Variants in ALDOA observed in about 807,000 individuals in gnomAD.
ALDOA encodes aldolase, fructose-bisphosphate A, also known as fructose-bisphosphate aldolase A.
Under a neutral mutation model 43.9 loss-of-function variants are expected in ALDOA, and 26 were observed. That is an observed-to-expected ratio of 0.59 (90% CI 0.43 to 0.82). The LOEUF (loss-of-function observed/expected upper bound fraction) is 0.82. Ranked by LOEUF, ALDOA falls within the 40% of genes least tolerant of loss-of-function variation. The pLI, the probability that ALDOA is intolerant of heterozygous loss-of-function variation, is 0.00. For missense variants in ALDOA, 498 were observed against 549.5 expected (o/e 0.91, Z 0.94); for synonymous variants, 258 against 222.6 (o/e 1.16, Z -1.42).
chr16:30,067,358 A>C lies in ALDOA; in HGVS notation c.266A>C (p.Glu89Ala), dbSNP rs765153063. The C allele has an allele frequency of 3.1e-6, 5 of 1,614,048 alleles. No homozygotes were observed. The highest frequency in any genetic ancestry group is 4.2e-6 in the Non-Finnish European group (5 of 1,180,022). The change falls in exon 3 of 10, where the codon GAG (glutamate) becomes GCG (alanine). Residue 89 changes from glutamate (E) to alanine (A), a missense_variant. By Grantham distance (107) the Glu-to-Ala change is moderately radical. Coordinates refer to ENST00000642816, the MANE Select transcript of ALDOA (RefSeq NM_001243177.4). ...APGKGILAAD[E>A]STGSIAKRLQ... The stretch of plus-strand genomic sequence containing the variant: ...GGCAAGGGCATCCTGGCTGCAGATG[A>C]GTCCACTGGTGCGGGCAGGAGACAG...
Position 30,070,146 on chromosome 16 carries a change from C to T in ALDOA, c.1191C>T (p.Tyr397=). The change falls in exon 10 of 10, where the codon TAC becomes TAT. Residue 397 remains tyrosine, a synonymous_variant. Coordinates refer to ENST00000642816, the MANE Select transcript of ALDOA (RefSeq NM_001243177.4). ...LANSLACQGK[Y]TPSGQAGAAA... ...ACAGCCTTGCCTGTCAAGGAAAGTA[C>T]ACTCCGAGCGGTCAGGCTGGGGCTG... 2 of 1,614,122 alleles carry T rather than the reference C, an allele frequency of 1.2e-6. No homozygotes were observed. The highest frequency in any genetic ancestry group is 1.7e-6 in the Non-Finnish European group (2 of 1,180,042).
Position 30,068,657 on chromosome 16 carries a change from C to T in ALDOA, c.498C>T (p.Gly166=), listed in dbSNP as rs145811469. The T allele has an allele frequency of 6.0e-5, 97 of 1,614,072 alleles. 1 individual carries two copies. Among genetic ancestry groups the T allele is most frequent in the South Asian group, 3.5e-4 (32 of 91,094 alleles). ...GGVVGIKVDK[G]VVPLAGTNGE... is the part of the protein sequence containing the mutation. ...CCTGACCCCAACAGGTAGACAAGGG[C>T]GTGGTCCCCCTGGCAGGGACAAATG... The change falls in exon 5 of 10, where the codon GGC becomes GGT. Residue 166 remains glycine (G), a synonymous_variant. Transcript: ENST00000642816.
chr16:30,065,335 G>A (rs2072060854), upstream of ALDOA, among the ~76,000 whole-genome samples: 1 of 152,248 alleles, frequency 6.6e-6, no homozygotes, highest in African/African-American at 2.4e-5. Context: ...ACGCGCTGCA[G>A]CCGCGAAGAC....
intron 6 of ALDOA, 108 bp from the exon 7 acceptor site, chr16:30,069,198 T>C: frequency 7.1e-7 from 1 of 1,407,804 alleles, no homozygotes; most frequent in Non-Finnish European, 1.0e-6. Context: ...CTTTGAAGCC[T>C]GAGTCCCTGG....
intron 4 of ALDOA, chr16:30,068,126 G>C (rs372598003): frequency 2.4e-5 from 6 of 248,458 alleles, no homozygotes; most frequent in African/African-American, 1.2e-4. Flanking sequence ...GCAGTGGTGC[G>C]ATCTCTTGGC....
At chr16:30,066,160 A>T (rs1415646594) in intron 1 of ALDOA, 2 of 152,196 alleles carry the variant, frequency 1.3e-5, no homozygotes, top group African/African-American at 4.8e-5. Context: ...ATGAAGGACC[A>T]TTCTCCCCCT....
intron 4 of ALDOA, 175 bp from the exon 5 acceptor site, chr16:30,068,471 G>T: frequency 1.4e-6 from 1 of 724,946 alleles, no homozygotes; most frequent in Non-Finnish European, 2.5e-6. Flanking sequence ...TAAAGAAGAG[G>T]AAAGAGGGGC....
At position 30,067,041 on chromosome 16, in the gene ALDOA, A is replaced by T. The variant is rs1269749080; in HGVS notation, c.141+3A>T. 6 of 1,578,206 alleles carry T rather than the reference A, an allele frequency of 3.8e-6. No homozygotes were observed. On this transcript the variant is annotated splice_donor_region_variant and intron_variant, in intron 2 of 9. Coordinates refer to ENST00000642816, the MANE Select transcript of ALDOA (RefSeq NM_001243177.4). ...AGCACCAGACAGAGTTAGGAAAGGT[A>T]CAGGGGCAGGCCTAGCAAAGGGAAG...
chr16:30,065,048 C>G (rs1300021452), upstream of ALDOA, among the ~76,000 whole-genome samples: 2 of 152,240 alleles, frequency 1.3e-5, no homozygotes, highest in African/African-American at 4.8e-5. Flanking sequence ...TTTTCTGTGG[C>G]GCAGAGGACT....
intron 6 of ALDOA, 95 bp from the exon 7 acceptor site, chr16:30,069,208 GCAT>G: frequency 6.9e-7 from 1 of 1,443,768 alleles, no homozygotes; most frequent in Middle Eastern, 1.8e-4. Context: ...TGAGTCCCTG[GCAT>G]CATCAAGATA....
Position 30,066,762 on chromosome 16 carries a change from T to TG in ALDOA, c.-13-122dup. On this transcript the variant is annotated intron_variant, in intron 1 of 9. Transcript: ENST00000642816. ...CTAATCTCAGATCTGGCTCCGGGGT[T>TG]GCTGTGTGGCTTGAAGCACAGACCT... The TG allele has an allele frequency of 2.8e-6, 3 of 1,089,358 alleles. No individual in the cohort carries two copies. In the South Asian group the frequency reaches 5.0e-5, roughly 18 times the overall value. The allele number at this position is 1,089,358 out of a possible 1,614,324, so 67.5% of individuals were successfully genotyped here.
rs1304886491 is a variant in ALDOA at position 30,068,803 on chromosome 16, T to C, written c.542-15T>C. The C allele has an allele frequency of 2.5e-6, 4 of 1,614,050 alleles. No homozygotes were observed. Among genetic ancestry groups the C allele is most frequent in the Non-Finnish European group, 3.4e-6 (4 of 1,180,038 alleles). ...CCCCTCCCCACCGTGCTCTGACCCC[T>C]TCCTCTTCTCTTAGGGTTGGATGGG... On this transcript the variant is annotated splice_polypyrimidine_tract_variant and intron_variant, in intron 5 of 9. Transcript: ENST00000642816.
upstream of ALDOA, chr16:30,064,679 C>CG (rs2072040558): frequency 1.0e-5 from 4 of 388,836 alleles, no homozygotes; most frequent in East Asian, 1.5e-4. Flanking sequence ...TAGAGAAGAT[C>CG]GGGGACACAT....
rs1328881297 is a variant in ALDOA, at chr16:30,068,799, C to T, written c.542-19C>T. ...CATGCCCCTCCCCACCGTGCTCTGA[C>T]CCCTTCCTCTTCTCTTAGGGTTGGA... On this transcript the variant is annotated intron_variant, in intron 5 of 9. Transcript: ENST00000642816. 2 of 1,614,094 alleles carry T rather than the reference C, an allele frequency of 1.2e-6. No homozygotes were observed. The highest frequency in any genetic ancestry group is 1.3e-5 in the African/African-American group (1 of 74,912).
chr16:30,068,511 G>A (rs1488398566), intron 4 of ALDOA, 135 bp from the exon 5 acceptor site: 1 of 987,036 alleles, frequency 1.0e-6, no homozygotes, highest in Non-Finnish European at 1.6e-6. Flanking sequence ...GCTGAGGCGG[G>A]AGGATCACTT....
rs780378047 is a variant in ALDOA at position 30,066,927 on chromosome 16, C to T, written c.30C>T (p.Ser10=). The change falls in exon 2 of 10, where the codon AGC becomes AGT. Residue 10 remains serine (S), a synonymous_variant. Coordinates refer to ENST00000642816, the MANE Select transcript of ALDOA (RefSeq NM_001243177.4). ...CAAGGCGCAAGCCAGAAGGGTCCAG[C>T]TTCAACATGACCCACCTGTCCATGG... is the stretch of plus-strand genomic sequence containing the variant. The part of the protein sequence containing the change: MARRKPEGS[S]FNMTHLSMAM... 5.0e-5 allele frequency: 78 copies of T among 1,550,860 alleles called. No homozygotes were observed. Among genetic ancestry groups the T allele is most frequent in the Non-Finnish European group, 6.3e-5 (72 of 1,147,098 alleles).
Position 30,070,164 on chromosome 16 carries a change from TGGG to T in ALDOA, c.1211_1213del (p.Gly404del). 1 of 1,614,130 alleles carries T rather than the reference TGGG, an allele frequency of 6.2e-7. No individual in the cohort carries two copies. Among genetic ancestry groups the T allele is most frequent in the East Asian group, 2.2e-5 (1 of 44,880 alleles). ...GAAAGTACACTCCGAGCGGTCAGGC[TGGG>T]GCTGCTGCCAGCGAGTCCCTCTTCG... On this transcript the variant is annotated inframe_deletion, in exon 10 of 10. Coordinates refer to ENST00000642816, the MANE Select transcript of ALDOA (RefSeq NM_001243177.4).
chr16:30,064,960 A>C (rs2072048426), upstream of ALDOA: 1 of 154,448 alleles, frequency 6.5e-6, no homozygotes, highest in East Asian at 1.9e-4. Context: ...AGTCAGGCTC[A>C]AGGAAGACGT....
At position 30,068,928 on chromosome 16, in the gene ALDOA, A is replaced by G. The variant is rs1289395619; in HGVS notation, c.652A>G (p.Ile218Val). ...IGEHTPSALA[I>V]MENANVLARY... The stretch of plus-strand genomic sequence containing the variant: ...GGAACACACCCCCTCAGCCCTCGCC[A>G]TCATGGAAAATGCCAATGTTCTGGC... Residue 218 changes from isoleucine (I) to valine (V), a missense_variant, in exon 6 of 10, where the codon ATC (isoleucine) becomes GTC (valine). Transcript: ENST00000642816. 2 of 1,614,132 alleles carry G rather than the reference A, an allele frequency of 1.2e-6. No homozygotes were observed. The highest frequency in any genetic ancestry group is 1.7e-5 in the Admixed American group (1 of 60,016).
Sources: gnomAD v4.1 joint callset for allele counts (sites outside exome capture counted in the v4.1 genomes callset) on GRCh38, gnomAD v4.1.1 for gene constraint, MANE v1.5 for transcripts, NCBI Gene and HGNC (gene_info 2026-07-23, HGNC 2026-07-21) for gene names.